ADGRL1: variants seen among roughly 807,000 people sequenced by gnomAD.
The protein encoded by ADGRL1 is adhesion G protein-coupled receptor L1, also known as CIRL-1.
In ADGRL1, 31 loss-of-function variants were observed where a neutral mutation model predicts 148.9. That is an observed-to-expected ratio of 0.21 (90% CI 0.16 to 0.28). The LOEUF is 0.28. ADGRL1 is among the 10% of genes least tolerant of loss of function. ADGRL1 has a pLI of 1.00. For synonymous variants in ADGRL1, 937 were observed against 900.3 expected (o/e 1.04, Z -0.73); for missense variants, 1,521 against 2,058.8 (o/e 0.74, Z 5.05).
chr19:14,178,947 G>A (rs1291035027), intron 2 of ADGRL1, among the ~76,000 whole-genome samples: 2 of 152,142 alleles, frequency 1.3e-5, no homozygotes, highest in African/African-American at 4.8e-5. Context: ...ACTTTGGGAG[G>A]CTGAGGCGGG....
chr19:14,150,661 G>A lies in ADGRL1; in HGVS notation c.*212C>T, dbSNP rs976787106. On this transcript the variant is annotated 3_prime_UTR_variant, in exon 23 of 23. Coordinates refer to ENST00000361434, the MANE Select transcript of ADGRL1 (RefSeq NM_014921.5). ...CACTTCCCCCAAATAGAGCTGGTGC[G>A]TGTGGCTGGTGGGAAACCCTGTCTG... 8.9e-5 allele frequency: 52 copies of A among 584,926 alleles called. No homozygotes were observed. Among genetic ancestry groups the A allele is most frequent in the Non-Finnish European group, 1.1e-4 (38 of 336,632 alleles). The allele number at this position is 584,926 out of a possible 1,614,324, so 36.2% of individuals were successfully genotyped here.
chr19:14,159,019 G>C lies in ADGRL1; in HGVS notation c.2149+71C>G. On this transcript the variant is annotated intron_variant, in intron 11 of 22. Transcript: ENST00000361434. The surrounding 1 kb of genome is among the most constrained non-coding windows in gnomAD (Gnocchi z 6.0). Reference sequence around the variant, plus strand: ...CGCTGCCCTCTACAAATGGCACAGAGACGCTGGCACAGAGCTGGGGGGTGG... The same window carrying C: ...CGCTGCCCTCTACAAATGGCACAGACACGCTGGCACAGAGCTGGGGGGTGG... The C allele has an allele frequency of 6.3e-7, 1 of 1,579,780 alleles. No homozygotes were observed. Among genetic ancestry groups the C allele is most frequent in the Non-Finnish European group, 8.6e-7 (1 of 1,156,990 alleles).
In ADGRL1 at chr19:14,159,031, G is replaced by A. The variant is rs1969067904; in HGVS notation, c.2149+59C>T. ...CAAATGGCACAGAGACGCTGGCACA[G>A]AGCTGGGGGGTGGGGGTGGGGCTGC... is the stretch of plus-strand genomic sequence containing the variant. On this transcript the variant is annotated intron_variant, in intron 11 of 22. Transcript: ENST00000361434. This position sits in a 1 kb window ranked among gnomAD's most constrained non-coding sequence, Gnocchi z 6.0. The A allele has an allele frequency of 6.2e-7, 1 of 1,603,416 alleles. No homozygotes were observed. The highest frequency in any genetic ancestry group is 1.1e-5 in the South Asian group (1 of 90,652).
intron 1 of ADGRL1, among the ~76,000 whole-genome samples, chr19:14,198,146 G>A (rs184298899): frequency 6.6e-6 from 1 of 152,234 alleles, no homozygotes; most frequent in Non-Finnish European, 1.5e-5. Context: ...GCAAGGGGAA[G>A]AGTGGAAGGA....
In ADGRL1 at chr19:14,150,791, ATC is replaced by A; in HGVS notation, c.*80_*81del. ...GAGTGGCCCACCAGCCACTGCCTCC[ATC>A]TGTCTCCCTCTCCCACCAGAGCCCT... is the stretch of plus-strand genomic sequence containing the variant. On this transcript the variant is annotated 3_prime_UTR_variant, in exon 23 of 23. Coordinates refer to ENST00000361434, the MANE Select transcript of ADGRL1 (RefSeq NM_014921.5). 1 of 1,515,734 alleles carries A rather than the reference ATC, an allele frequency of 6.6e-7. No individual in the cohort carries two copies. Among genetic ancestry groups the A allele is most frequent in the Non-Finnish European group, 8.9e-7 (1 of 1,124,234 alleles). The allele number at this position is 1,515,734 out of a possible 1,614,324, so 93.9% of individuals were successfully genotyped here.
chr19:14,158,938 C>A, intron 11 of ADGRL1, 152 bp downstream of exon 11: 2 of 976,256 alleles, frequency 2.0e-6, no homozygotes, highest in Non-Finnish European at 3.0e-6. Flanking sequence ...CTCTGCAGCA[C>A]TTCAGGGCCC....
In ADGRL1 at chr19:14,147,985, T is replaced by C. The variant is rs1967765870; in HGVS notation, c.*2888A>G. On this transcript the variant is annotated 3_prime_UTR_variant, in exon 23 of 23. Coordinates refer to ENST00000361434, the MANE Select transcript of ADGRL1 (RefSeq NM_014921.5). Reference sequence around the variant, plus strand: ...AGTTGAGGATAAGAGAAGAGGAACATAGAGACAGCCAGAAAGACATGGGGA... The same window carrying C: ...AGTTGAGGATAAGAGAAGAGGAACACAGAGACAGCCAGAAAGACATGGGGA... 6.6e-6 allele frequency: 1 copy of C among 151,994 alleles called. No individual in the cohort carries two copies. The allele number at this position is 151,994 out of a possible 1,614,324, so 9.4% of individuals were successfully genotyped here. A position where few individuals can be genotyped will look rare whatever the true frequency, so the allele number is the denominator to read the frequency against.
chr19:14,163,151 G>A lies in ADGRL1; in HGVS notation c.650C>T (p.Ala217Val). ...CGTGCGCTCCTTGTTGTAGAAGACG[G>A]CACCATCGTAGACCACAAAGCCTGT... ...DGTGFVVYDG[A>V]VFYNKERTRN... Residue 217 changes from alanine (A) to valine (V), a missense_variant, in exon 5 of 23, where the codon GCC (alanine) becomes GTC (valine). Around this residue, in one of 8 missense-constraint regions of ADGRL1, gnomAD observed 334 missense variants for 512.5 expected, o/e 0.65. Transcript: ENST00000361434. The A allele has an allele frequency of 6.2e-7, 1 of 1,613,868 alleles. No homozygotes were observed. Among genetic ancestry groups the A allele is most frequent in the Non-Finnish European group, 8.5e-7 (1 of 1,179,996 alleles).
At chr19:14,183,839 G>C in intron 1 of ADGRL1, 142 bp from the exon 2 acceptor site, 3 of 543,406 alleles carry the variant, frequency 5.5e-6, no homozygotes, top group Non-Finnish European at 6.5e-6. Context: ...CCCCTCCGGG[G>C]TCTGCAGCTC....
In ADGRL1 at chr19:14,155,090, G is replaced by A. The variant is rs532695038; in HGVS notation, c.3294+269C>T. On this transcript the variant is annotated intron_variant, in intron 18 of 22. Transcript: ENST00000361434. This position sits in a 1 kb window ranked among gnomAD's most constrained non-coding sequence, Gnocchi z 5.0. ...ACTCGTGGCCCTCATGGTGGTGAGG[G>A]TTCCCCATTACCAAATCTGTTCTGC... 57 of 247,834 alleles carry A rather than the reference G, an allele frequency of 2.3e-4. No homozygotes were observed. The highest frequency in any genetic ancestry group is 1.2e-3 in the African/African-American group (55 of 44,562). The allele number at this position is 247,834 out of a possible 1,614,324, so 15.4% of individuals were successfully genotyped here.
Position 14,155,818 on chromosome 19 carries a change from G to A in ADGRL1, c.3126-291C>T. 3.5e-6 allele frequency: 2 copies of A among 576,586 alleles called. No homozygotes were observed. The highest frequency in any genetic ancestry group is 6.1e-5 in the Admixed American group (2 of 32,608). The allele number at this position is 576,586 out of a possible 1,614,324, so 35.7% of individuals were successfully genotyped here. A position where few individuals can be genotyped will look rare whatever the true frequency, so the allele number is the denominator to read the frequency against. ...TTTCCAGACCACTTAGGCTATATTTGCTGCCTATTTCTCTTTAAGTTGCCC... is the reference window on the plus strand; with the variant it reads ...TTTCCAGACCACTTAGGCTATATTTACTGCCTATTTCTCTTTAAGTTGCCC... On this transcript the variant is annotated intron_variant, in intron 17 of 22. Transcript: ENST00000361434. The surrounding 1 kb of genome is among the most constrained non-coding windows in gnomAD (Gnocchi z 5.0).
chr19:14,158,241 T>C, intron 12 of ADGRL1, 97 bp downstream of exon 12: 1 of 1,351,068 alleles, frequency 7.4e-7, no homozygotes, highest in East Asian at 2.3e-5. Flanking sequence ...AACCCATAAC[T>C]TGTTCTGGAG....
intron 2 of ADGRL1, among the ~76,000 whole-genome samples, chr19:14,179,681 C>T (rs931904785): frequency 3.3e-5 from 5 of 151,620 alleles, no homozygotes; most frequent in Admixed American, 1.3e-4. Context: ...TCGAGGTGGG[C>T]GAATCACCTG....
intron 11 of ADGRL1, among the ~76,000 whole-genome samples, chr19:14,158,826 G>A (rs1542537): frequency 0.096 from 14,599 of 152,300 alleles, 904 homozygotes; most frequent in Admixed American, 0.17. Context: ...GTGACCTTGG[G>A]CAAGCCCCTG....
At chr19:14,192,756 G>T (rs1355551446) in intron 1 of ADGRL1, among the ~76,000 whole-genome samples, 1 of 151,966 alleles carries the variant, frequency 6.6e-6, no homozygotes, top group African/African-American at 2.4e-5. Context: ...TCGCCATATT[G>T]GTCAGGCTGC....
At chr19:14,153,013 A>T in intron 18 of ADGRL1, 101 bp from the exon 19 acceptor site, 1 of 1,402,536 alleles carries the variant, frequency 7.1e-7, no homozygotes, top group Non-Finnish European at 9.8e-7. Flanking sequence ...GGGAGGCCGG[A>T]GACCGAGCTT....
At chr19:14,178,029 G>A (rs1346946754) in intron 2 of ADGRL1, among the ~76,000 whole-genome samples, 1 of 152,076 alleles carries the variant, frequency 6.6e-6, no homozygotes, top group Non-Finnish European at 1.5e-5. Flanking sequence ...TGGGGTCCTC[G>A]GGCTACACCA....
chr19:14,176,832 A>G (rs995124245), intron 3 of ADGRL1, among the ~76,000 whole-genome samples: 4 of 151,156 alleles, frequency 2.6e-5, no homozygotes, highest in African/African-American at 9.7e-5. Flanking sequence ...GTGAGACCCT[A>G]TCTTCAAAAA....
At chr19:14,153,136 C>T (rs144136098) in intron 18 of ADGRL1, among the ~76,000 whole-genome samples, 1 of 152,212 alleles carries the variant, frequency 6.6e-6, no homozygotes, top group Non-Finnish European at 1.5e-5. Context: ...CAGGCCCATC[C>T]TCTTCTCCAC....
Sources: allele counts gnomAD v4.1 joint callset (sites outside exome capture counted in the v4.1 genomes callset), GRCh38; gene constraint gnomAD v4.1.1; regional missense constraint gnomAD v4.1.1; non-coding constraint Gnocchi (gnomAD v3.1); transcripts MANE v1.5; gene names NCBI Gene and HGNC (gene_info 2026-07-23, HGNC 2026-07-21).